Variants in C12orf56 observed in about 807,000 individuals in gnomAD.
C12orf56 encodes the protein uncharacterized protein C12orf56.
In C12orf56, 71 loss-of-function variants were observed where a neutral mutation model predicts 69.9. The ratio of observed to expected loss-of-function variants is 1.02; its 90% confidence interval spans 0.84 to 1.24. The LOEUF is 1.24. Among genes scored for constraint, C12orf56 ranks in the 50% most tolerant of loss-of-function variants. C12orf56 has a pLI of 0.00. For synonymous variants in C12orf56, 276 were observed against 274.1 expected (o/e 1.01, Z -0.07); for missense variants, 732 against 738.5 (o/e 0.99, Z 0.10).
chr12:64,383,851 TA>T (rs1175204772), intron 1 of C12orf56, among the ~76,000 whole-genome samples: 4 of 152,214 alleles, frequency 2.6e-5, no homozygotes, highest in African/African-American at 9.6e-5. Context: ...AGGCCTGGTT[TA>T]CAAAGATGAC....
Position 64,266,351 on chromosome 12 carries a change from C to A in C12orf56, c.*832G>T. 5.1e-6 allele frequency: 1 copy of A among 195,552 alleles called. No homozygotes were observed. The allele number at this position is 195,552 out of a possible 1,614,324, so 12.1% of individuals were successfully genotyped here. A position where few individuals can be genotyped will look rare whatever the true frequency, so the allele number is the denominator to read the frequency against. ...TTTCTGGAGAAACGCTACTGTTTAG[C>A]ACCACTTTATGTATGTCAGAATGGA... On this transcript the variant is annotated 3_prime_UTR_variant, in exon 13 of 13. Coordinates refer to ENST00000543942, the MANE Select transcript of C12orf56 (RefSeq NM_001170633.2).
chr12:64,331,153 C>A, intron 2 of C12orf56, 121 bp from the exon 3 acceptor site: 2 of 869,362 alleles, frequency 2.3e-6, no homozygotes, highest in East Asian at 2.8e-5. Flanking sequence ...ATTGTAAGTC[C>A]AAAATTGTAA....
chr12:64,281,048 T>C, intron 8 of C12orf56, among the ~76,000 whole-genome samples: 1 of 147,764 alleles, frequency 6.8e-6, no homozygotes, highest in South Asian at 2.2e-4. Context: ...CGACGGGGGG[T>C]GGATCACCTG....
chr12:64,387,219 TG>T (rs1459579496), intron 1 of C12orf56, among the ~76,000 whole-genome samples: 15 of 151,916 alleles, frequency 9.9e-5, no homozygotes, highest in African/African-American at 3.6e-4. Flanking sequence ...TCCTTTTCCA[TG>T]TAACATATTC....
chr12:64,378,940 A>C (rs973607811), intron 1 of C12orf56, among the ~76,000 whole-genome samples: 26 of 151,624 alleles, frequency 1.7e-4, no homozygotes, highest in African/African-American at 6.3e-4. Flanking sequence ...AGTCCCAGCT[A>C]CTCAGGAGGC....
intron 1 of C12orf56, among the ~76,000 whole-genome samples, chr12:64,357,349 G>A (rs2039331670): frequency 6.6e-6 from 1 of 151,586 alleles, no homozygotes. Context: ...TCTTGGGGGT[G>A]CTTTGCCTTA....
At chr12:64,358,462 GTAA>G (rs1307361496) in intron 1 of C12orf56, among the ~76,000 whole-genome samples, 41 of 128,074 alleles carry the variant, frequency 3.2e-4, no homozygotes, top group African/African-American at 1.1e-3. Flanking sequence ...CATCTCAAAA[GTAA>G]TAATAATAAT....
intron 6 of C12orf56, among the ~76,000 whole-genome samples, chr12:64,294,369 G>C (rs1202927123): frequency 2.0e-5 from 3 of 152,096 alleles, no homozygotes; most frequent in Non-Finnish European, 4.4e-5. Context: ...CCGTCTTAAA[G>C]AGATATCTTG....
intron 5 of C12orf56, among the ~76,000 whole-genome samples, chr12:64,308,965 AAGAAAG>A (rs1464435432): frequency 2.5e-5 from 3 of 122,048 alleles, no homozygotes; most frequent in African/African-American, 6.2e-5. Flanking sequence ...GAAAGAAAGA[AAGAAAG>A]AAAAGAAAGA....
At chr12:64,301,699 A>G (rs1462946992) in intron 6 of C12orf56, among the ~76,000 whole-genome samples, 3 of 152,176 alleles carry the variant, frequency 2.0e-5, no homozygotes, top group Non-Finnish European at 4.4e-5. Flanking sequence ...GATAATTTCC[A>G]GGCCTTTCCC....
At chr12:64,359,597 C>T (rs1184253735) in intron 1 of C12orf56, among the ~76,000 whole-genome samples, 1 of 152,148 alleles carries the variant, frequency 6.6e-6, no homozygotes, top group African/African-American at 2.4e-5. Context: ...ATTTACACAT[C>T]TGTGCGGGGG....
At chr12:64,270,333 A>G (rs2037967185) in intron 12 of C12orf56, among the ~76,000 whole-genome samples, 1 of 152,110 alleles carries the variant, frequency 6.6e-6, no homozygotes, top group Non-Finnish European at 1.5e-5. Context: ...TCTGGGAGGC[A>G]GAGGTTGCAG....
chr12:64,381,356 AGC>A (rs1241478566), intron 1 of C12orf56, among the ~76,000 whole-genome samples: 1 of 152,202 alleles, frequency 6.6e-6, no homozygotes, highest in Admixed American at 6.5e-5. Flanking sequence ...TATCTCCTGG[AGC>A]AATTTGAGGA....
chr12:64,303,733 A>T lies in C12orf56; in HGVS notation c.1015T>A (p.Phe339Ile), dbSNP rs778077964. ...CTCCTCAAAGAATTGTCTTTAAGAA[A>T]AAGTTCAGATTTAAGTTGACTGAAG... ...KHFSQLKSEL[F>I]LKDNSLRRIL... Residue 339 changes from phenylalanine (F) to isoleucine (I), a missense_variant, in exon 6 of 13, where the codon TTT becomes ATT. Transcript: ENST00000543942. 13 of 1,587,088 alleles carry T rather than the reference A, an allele frequency of 8.2e-6. No individual in the cohort carries two copies. In the Admixed American group the frequency reaches 2.3e-4, roughly 28 times the overall value.
intron 3 of C12orf56, among the ~76,000 whole-genome samples, chr12:64,327,024 T>C (rs1325552554): frequency 6.6e-6 from 1 of 152,136 alleles, no homozygotes; most frequent in Non-Finnish European, 1.5e-5. Flanking sequence ...GAACTGGCTT[T>C]ATAAGAAGAG....
At chr12:64,373,609 C>G (rs1219789670) in intron 1 of C12orf56, among the ~76,000 whole-genome samples, 1 of 152,128 alleles carries the variant, frequency 6.6e-6, no homozygotes, top group African/African-American at 2.4e-5. Context: ...CCTTTCAGGA[C>G]CCAACTTCTC....
At chr12:64,301,807 T>G (rs1394683362) in intron 6 of C12orf56, among the ~76,000 whole-genome samples, 1 of 152,180 alleles carries the variant, frequency 6.6e-6, no homozygotes, top group Non-Finnish European at 1.5e-5. Flanking sequence ...CCTTCTTTCT[T>G]TATAAATTAC....
At chr12:64,372,316 C>T (rs552196994) in intron 1 of C12orf56, among the ~76,000 whole-genome samples, 1 of 152,110 alleles carries the variant, frequency 6.6e-6, no homozygotes, top group African/African-American at 2.4e-5. Flanking sequence ...TCAAAAAAAA[C>T]CCTAAGAGTT....
At position 64,270,685 on chromosome 12, in the gene C12orf56, T is replaced by C; in HGVS notation, c.1614A>G (p.Gln538=). 3 of 1,612,098 alleles carry C rather than the reference T, an allele frequency of 1.9e-6. No homozygotes were observed. Among genetic ancestry groups the C allele is most frequent in the Non-Finnish European group, 2.5e-6 (3 of 1,179,350 alleles). The part of the protein sequence containing the change: ...IITFVASIVK[Q]VVRGLSASFQ... Reference sequence around the variant, plus strand: ...ATGAAGCTGAAAGACCCCTCACCACTTGTTTCACAATACTGGCCACAAAAG... The same window carrying C: ...ATGAAGCTGAAAGACCCCTCACCACCTGTTTCACAATACTGGCCACAAAAG... The change falls in exon 12 of 13, where the codon CAA becomes CAG. Residue 538 remains glutamine, a synonymous_variant. Transcript: ENST00000543942.
Sources: allele counts gnomAD v4.1 joint callset (sites outside exome capture counted in the v4.1 genomes callset), GRCh38; gene constraint gnomAD v4.1.1; transcripts MANE v1.5; gene names NCBI Gene and HGNC (gene_info 2026-07-23, HGNC 2026-07-21).